SLC7A5: variants seen among roughly 807,000 people sequenced by gnomAD.
SLC7A5 encodes the protein solute carrier family 7 member 5, also known as large neutral amino acids transporter small subunit 1.
A neutral mutation model predicts 50.2 loss-of-function variants in SLC7A5; 23 were observed. The observed-to-expected ratio is 0.46, with a 90% CI of 0.33 to 0.65. The LOEUF (loss-of-function observed/expected upper bound fraction) is 0.65, where lower values mean the gene tolerates loss of function less well. Ranked by LOEUF, SLC7A5 falls within the 30% of genes least tolerant of loss-of-function variation. SLC7A5 has a pLI of 0.02. For synonymous variants in SLC7A5, 393 were observed against 330.6 expected (o/e 1.19, Z -2.05); for missense variants, 578 against 684.4 (o/e 0.84, Z 1.73).
rs2055044353 is a variant in SLC7A5 at position 87,838,760 on chromosome 16, G to C, written c.997C>G (p.Leu333Val). 1 of 1,614,084 alleles carries C rather than the reference G, an allele frequency of 6.2e-7. No homozygotes were observed. The highest frequency in any genetic ancestry group is 8.5e-7 in the Non-Finnish European group (1 of 1,180,018). The change falls in exon 6 of 10, where the codon CTG becomes GTG. Residue 333 changes from leucine to valine, a missense_variant. Around this residue, in one of 2 missense-constraint regions of SLC7A5, gnomAD observed 465 missense variants for 594.6 expected, o/e 0.78. Coordinates refer to ENST00000261622, the MANE Select transcript of SLC7A5 (RefSeq NM_003486.7). ...CCATTGACGGAGCCGAAGCAGGACAGGCCCACGAAGACGGGGATGATCCAG... is the reference window on the plus strand; with the variant it reads ...CCATTGACGGAGCCGAAGCAGGACACGCCCACGAAGACGGGGATGATCCAG... ...MSWIIPVFVG[L>V]SCFGSVNGSL...
At chr16:87,838,876 C>G (rs779702487) in intron 5 of SLC7A5, 59 bp from the exon 6 acceptor site, 9 of 1,278,846 alleles carry the variant, frequency 7.0e-6, no homozygotes, top group Non-Finnish European at 1.0e-5. Flanking sequence ...CCTCCCTGTG[C>G]TCACTGGGAG....
At chr16:87,836,439 G>A in intron 8 of SLC7A5, 59 bp downstream of exon 8, 1 of 1,588,658 alleles carries the variant, frequency 6.3e-7, no homozygotes, top group Non-Finnish European at 8.5e-7. Context: ...GGGTCCTTAG[G>A]ACCCACGGAC....
intron 1 of SLC7A5, among the ~76,000 whole-genome samples, chr16:87,856,046 G>A (rs1214644758): frequency 6.6e-6 from 1 of 152,176 alleles, no homozygotes; most frequent in East Asian, 1.9e-4. Flanking sequence ...AGTACCCAGT[G>A]AACATGATCC....
At chr16:87,846,350 C>T (rs1255738924) in intron 2 of SLC7A5, among the ~76,000 whole-genome samples, 10 of 152,242 alleles carry the variant, frequency 6.6e-5, no homozygotes, top group African/African-American at 2.2e-4. Context: ...CCGACTCCTC[C>T]CTTGGTTAAC....
intron 1 of SLC7A5, among the ~76,000 whole-genome samples, chr16:87,864,972 C>T (rs1210475821): frequency 6.6e-6 from 1 of 152,210 alleles, no homozygotes; most frequent in African/African-American, 2.4e-5. Flanking sequence ...GAGCTAATTA[C>T]CGAAGTTATG....
At chr16:87,859,709 G>A (rs2055364725) in intron 1 of SLC7A5, among the ~76,000 whole-genome samples, 1 of 152,072 alleles carries the variant, frequency 6.6e-6, no homozygotes, top group African/African-American at 2.4e-5. Context: ...GGGAGGCTGA[G>A]GTGGGCAGAT....
At chr16:87,845,372 C>T (rs942198560) in intron 2 of SLC7A5, among the ~76,000 whole-genome samples, 10 of 152,238 alleles carry the variant, frequency 6.6e-5, no homozygotes, top group African/African-American at 1.4e-4. Flanking sequence ...GTGCAGTGAC[C>T]GCCACATGGG....
intron 2 of SLC7A5, among the ~76,000 whole-genome samples, chr16:87,844,259 G>GGT (rs1016026396): frequency 8.5e-5 from 13 of 152,364 alleles, no homozygotes; most frequent in African/African-American, 3.1e-4. Context: ...CCAAACCCCG[G>GGT]GTGGGGGGAA....
chr16:87,836,766 G>C, intron 7 of SLC7A5, 119 bp from the exon 8 acceptor site: 3 of 998,220 alleles, frequency 3.0e-6, no homozygotes, highest in Admixed American at 1.9e-5. Flanking sequence ...AGGGAATTTT[G>C]TTTTAAAGGA....
At chr16:87,855,725 G>A (rs1308016977) in intron 1 of SLC7A5, among the ~76,000 whole-genome samples, 2 of 152,020 alleles carry the variant, frequency 1.3e-5, no homozygotes, top group African/African-American at 4.8e-5. Context: ...TTGGAGGAGA[G>A]GGGTGGGGGA....
Position 87,831,801 on chromosome 16 carries a change from C to T in SLC7A5, c.*1169G>A, listed in dbSNP as rs915105408. The T allele has an allele frequency of 6.6e-6, 1 of 152,360 alleles. No individual in the cohort carries two copies. Among genetic ancestry groups the T allele is most frequent in the Non-Finnish European group, 1.5e-5 (1 of 68,152 alleles). 9.4% of individuals were successfully genotyped at this position (152,360 alleles called of 1,614,324 possible). ...CGGGAACAACAGAAACAAGGGGTGCCCTAGTTCCCTCTCTGCAGGCGGGTG... is the reference window on the plus strand; with the variant it reads ...CGGGAACAACAGAAACAAGGGGTGCTCTAGTTCCCTCTCTGCAGGCGGGTG... On this transcript the variant is annotated 3_prime_UTR_variant, in exon 10 of 10. Transcript: ENST00000261622.
chr16:87,852,365 C>T lies in SLC7A5; in HGVS notation c.539-516G>A, dbSNP rs546459796. Among the ~76,000 whole-genome samples the T allele has an allele frequency of 2.6e-5, 4 of 152,288 alleles. No homozygotes were observed. Among genetic ancestry groups the T allele is most frequent in the Non-Finnish European group, 4.4e-5 (3 of 68,016 alleles). ...ACAGAAGTGGGGTGTCCCGCTTTCC[C>T]GGAACTACCTGGCCAGTCACCTGGG... On this transcript the variant is annotated intron_variant, in intron 1 of 9. Coordinates refer to ENST00000261622, the MANE Select transcript of SLC7A5 (RefSeq NM_003486.7). This position sits in a 1 kb window ranked among gnomAD's most constrained non-coding sequence, Gnocchi z 4.5.
At chr16:87,854,537 C>T (rs2055289645) in intron 1 of SLC7A5, among the ~76,000 whole-genome samples, 1 of 152,220 alleles carries the variant, frequency 6.6e-6, no homozygotes, top group Admixed American at 6.5e-5. Flanking sequence ...GCCTCAGTGT[C>T]CACACCATGG....
In SLC7A5 at chr16:87,860,113, A is replaced by G. The variant is rs1026039112; in HGVS notation, c.539-8264T>C. ...TTTGGGAAGCCAAGGTGGGCGGATC[A>G]CCTGAGATCAAGAGTTCGAAACCAG... On this transcript the variant is annotated intron_variant, in intron 1 of 9. Coordinates refer to ENST00000261622, the MANE Select transcript of SLC7A5 (RefSeq NM_003486.7). The surrounding 1 kb of genome is among the most constrained non-coding windows in gnomAD (Gnocchi z 4.8). Among the ~76,000 whole-genome samples the G allele has an allele frequency of 5.3e-5, 8 of 151,960 alleles. No homozygotes were observed. The highest frequency in any genetic ancestry group is 1.7e-4 in the African/African-American group (7 of 41,344).
intron 1 of SLC7A5, among the ~76,000 whole-genome samples, chr16:87,854,654 C>T (rs1162540726): frequency 2.6e-5 from 4 of 152,360 alleles, no homozygotes; most frequent in East Asian, 1.9e-4. Flanking sequence ...TAAGTGTGGC[C>T]GCGCCAGCCT....
chr16:87,864,387 C>T (rs867453576), intron 1 of SLC7A5, among the ~76,000 whole-genome samples: 1 of 152,156 alleles, frequency 6.6e-6, no homozygotes, highest in African/African-American at 2.4e-5. Context: ...ATCAAACGCC[C>T]GGCCTCTCCT....
In SLC7A5 at chr16:87,849,861, G is replaced by A. The variant is rs111241717; in HGVS notation, c.664+1863C>T. Among the ~76,000 whole-genome samples, 1,123 of 152,168 alleles carry A rather than the reference G, an allele frequency of 7.4e-3. 16 individuals are homozygous for A. Among genetic ancestry groups the A allele is most frequent in the African/African-American group, 0.025 (1,027 of 41,488 alleles). On this transcript the variant is annotated intron_variant, in intron 2 of 9. Transcript: ENST00000261622. ...AGACACATGCATGGGGGATGGGCTCGAGCTCCTGAAGGATTGACCTGGGCA... is the reference window on the plus strand; with the variant it reads ...AGACACATGCATGGGGGATGGGCTCAAGCTCCTGAAGGATTGACCTGGGCA...
intron 2 of SLC7A5, among the ~76,000 whole-genome samples, chr16:87,849,105 C>T (rs534318375): frequency 2.3e-4 from 35 of 152,334 alleles, no homozygotes; most frequent in African/African-American, 6.5e-4. Context: ...TCTCCAGACC[C>T]GGAAAGGGCC....
At chr16:87,865,661 C>A (rs901459228) in intron 1 of SLC7A5, among the ~76,000 whole-genome samples, 1 of 152,048 alleles carries the variant, frequency 6.6e-6, no homozygotes, top group East Asian at 1.9e-4. Context: ...GAGCCAAGAT[C>A]GTGCCATTGT....
Sources: allele counts gnomAD v4.1 joint callset (sites outside exome capture counted in the v4.1 genomes callset), GRCh38; gene constraint gnomAD v4.1.1; regional missense constraint gnomAD v4.1.1; non-coding constraint Gnocchi (gnomAD v3.1); transcripts MANE v1.5; gene names NCBI Gene and HGNC (gene_info 2026-07-23, HGNC 2026-07-21).